The following ENTPD5 variants were observed in gnomAD, a reference collection of about 807,000 sequenced individuals.
The protein encoded by ENTPD5 is ectonucleoside triphosphate diphosphohydrolase 5 (inactive).
A neutral mutation model predicts 60.2 loss-of-function variants in ENTPD5; 49 were observed. The observed-to-expected ratio is 0.81, with a 90% CI of 0.65 to 1.03. ENTPD5 has a LOEUF of 1.03. Among genes scored for constraint, ENTPD5 ranks in the 50% least tolerant of loss-of-function variants. ENTPD5 has a pLI of 0.00. For synonymous variants in ENTPD5, 187 were observed against 185.4 expected (o/e 1.01, Z -0.07); for missense variants, 480 against 507.6 (o/e 0.95, Z 0.52).
In ENTPD5 at chr14:73,975,982, T is replaced by A. The variant is rs1276753225; in HGVS notation, c.676A>T (p.Thr226Ser). 1 of 1,613,640 alleles carries A rather than the reference T, an allele frequency of 6.2e-7. No homozygotes were observed. ...TLEQTPRGYL[T>S]SFEMFNSTYK... Reference sequence around the variant, plus strand: ...GTGCTGTTAAACATCTCAAAGGAAGTGAGGTAGCCCCTAGGAGTTTGTTCC... The same window carrying A: ...GTGCTGTTAAACATCTCAAAGGAAGAGAGGTAGCCCCTAGGAGTTTGTTCC... The change falls in exon 10 of 16, where the codon ACT (threonine) becomes TCT (serine). Residue 226 changes from threonine to serine, a missense_variant. Coordinates refer to ENST00000334696, the MANE Select transcript of ENTPD5 (RefSeq NM_001249.5).
At chr14:73,958,977 G>A, downstream of ENTPD5, 3 of 1,613,872 alleles carry the variant, frequency 1.9e-6, no homozygotes, top group African/African-American at 1.3e-5. Flanking sequence ...GCAGATAGGT[G>A]CAGATGGTCA....
intron 3 of ENTPD5, among the ~76,000 whole-genome samples, chr14:73,992,564 G>A (rs1034128968): frequency 2.6e-5 from 4 of 151,040 alleles, no homozygotes; most frequent in Admixed American, 6.6e-5. Flanking sequence ...CATGCCTGTC[G>A]CTCCAGTTAC....
At chr14:74,001,500 C>G (rs2058504646) in intron 3 of ENTPD5, among the ~76,000 whole-genome samples, 1 of 150,434 alleles carries the variant, frequency 6.6e-6, no homozygotes, top group Admixed American at 6.6e-5. Flanking sequence ...AGACTCCATC[C>G]CAAAAAAAAA....
intron 8 of ENTPD5, 128 bp downstream of exon 8, chr14:73,976,896 C>T: frequency 9.5e-6 from 8 of 840,848 alleles, no homozygotes; most frequent in Admixed American, 2.5e-5. Context: ...CATGAACTGC[C>T]ACACCCAGCC....
chr14:74,009,511 AAAGG>A (rs1451083767), intron 3 of ENTPD5, among the ~76,000 whole-genome samples: 1 of 152,256 alleles, frequency 6.6e-6, no homozygotes, highest in African/African-American at 2.4e-5. Flanking sequence ...TTTCATGTAT[AAAGG>A]AAGGAATAGG....
rs186675149 is a variant in ENTPD5, at chr14:74,017,102, T to C, written c.-237-1172A>G. 2.1e-3 allele frequency among the ~76,000 whole-genome samples: 320 copies of C among 152,324 alleles called. 2 individuals carry two copies. Among genetic ancestry groups the C allele is most frequent in the Non-Finnish European group, 2.9e-3 (195 of 68,036 alleles). ...GGTAGGCCGAGGCGGGCGGATCACCTGAGGTTGGAAGTTCGAGACTAGCCT... is the reference window on the plus strand; with the variant it reads ...GGTAGGCCGAGGCGGGCGGATCACCCGAGGTTGGAAGTTCGAGACTAGCCT... On this transcript the variant is annotated intron_variant, in intron 1 of 15. Transcript: ENST00000334696.
At chr14:73,961,726 C>G (rs762666452), downstream of ENTPD5, 2 of 1,614,118 alleles carry the variant, frequency 1.2e-6, no homozygotes, top group South Asian at 2.2e-5. Context: ...AATCTTTCCT[C>G]TGCCCTTCAG....
chr14:73,994,578 CAA>C (rs948535776), intron 3 of ENTPD5, among the ~76,000 whole-genome samples: 1 of 151,614 alleles, frequency 6.6e-6, no homozygotes, highest in Non-Finnish European at 1.5e-5. Context: ...ACTAAAAACA[CAA>C]AAATTAGCCA....
At chr14:73,977,426 G>T (rs761936745) in intron 6 of ENTPD5, 52 bp from the exon 7 acceptor site, 7 of 1,315,896 alleles carry the variant, frequency 5.3e-6, no homozygotes, top group Admixed American at 4.1e-5. Flanking sequence ...CAATAAAATA[G>T]ATTTCCATAT....
rs1260521637 is a variant in ENTPD5, at chr14:73,964,628, CT to C, written c.*2299del. 1 of 152,202 alleles carries C rather than the reference CT, an allele frequency of 6.6e-6. No individual in the cohort carries two copies. The highest frequency in any genetic ancestry group is 1.5e-5 in the Non-Finnish European group (1 of 68,032). 9.4% of individuals were successfully genotyped at this position (152,202 alleles called of 1,614,324 possible). ...AGTCTTTAGTGAACACAGCTTACCT[CT>C]TTTAAAACTGCTGGTTTCTACTGAA... On this transcript the variant is annotated 3_prime_UTR_variant, in exon 16 of 16. Coordinates refer to ENST00000334696, the MANE Select transcript of ENTPD5 (RefSeq NM_001249.5).
chr14:73,957,176 CA>C (rs1241997568), downstream of ENTPD5, among the ~76,000 whole-genome samples: 8 of 151,776 alleles, frequency 5.3e-5, no homozygotes, highest in Non-Finnish European at 8.8e-5. Flanking sequence ...CGGCTCACTG[CA>C]AGCTCGGCCT....
chr14:73,987,284 G>A (rs140299200), intron 4 of ENTPD5: 6,367 of 620,488 alleles, frequency 0.01, 75 homozygotes, highest in South Asian at 0.03. Context: ...TGGATCCCTG[G>A]AGTATCCCAT....
At chr14:73,981,323 A>T (rs2057679675) in intron 6 of ENTPD5, among the ~76,000 whole-genome samples, 2 of 151,476 alleles carry the variant, frequency 1.3e-5, no homozygotes, top group Non-Finnish European at 2.9e-5. Context: ...ACATGGTGAA[A>T]CCCTGTCTCC....
chr14:73,991,004 G>A (rs1300528219), intron 3 of ENTPD5, among the ~76,000 whole-genome samples: 1 of 152,154 alleles, frequency 6.6e-6, no homozygotes, highest in African/African-American at 2.4e-5. Context: ...ACTCCAGCCT[G>A]GGCGACAGAG....
intron 6 of ENTPD5, among the ~76,000 whole-genome samples, chr14:73,978,281 G>A (rs1013561245): frequency 4.6e-5 from 7 of 152,012 alleles, no homozygotes; most frequent in East Asian, 1.9e-4. Context: ...AAAAATGGAC[G>A]TCAAATCATG....
chr14:74,018,396 A>G (rs2059126233), intron 1 of ENTPD5: 1 of 152,228 alleles, frequency 6.6e-6, no homozygotes, highest in South Asian at 2.1e-4. Flanking sequence ...AAACTTTTTA[A>G]TTTGAAATGG....
intron 2 of ENTPD5, among the ~76,000 whole-genome samples, chr14:74,013,210 C>A (rs934521777): frequency 1.3e-5 from 2 of 152,174 alleles, no homozygotes; most frequent in African/African-American, 4.8e-5. Flanking sequence ...ACTTTAGGAA[C>A]CAATGCTAGA....
At chr14:74,004,378 G>T (rs1251848153) in intron 3 of ENTPD5, among the ~76,000 whole-genome samples, 2 of 152,068 alleles carry the variant, frequency 1.3e-5, no homozygotes, top group African/African-American at 4.8e-5. Flanking sequence ...ATATTGGCCA[G>T]GCTCAAACTC....
intron 3 of ENTPD5, among the ~76,000 whole-genome samples, chr14:74,009,522 T>C (rs1302467050): frequency 2.0e-5 from 3 of 152,200 alleles, no homozygotes; most frequent in South Asian, 4.1e-4. Flanking sequence ...AAGGAAGGAA[T>C]AGGGGTTCCC....
Sources: allele counts gnomAD v4.1 joint callset (sites outside exome capture counted in the v4.1 genomes callset), GRCh38; gene constraint gnomAD v4.1.1; transcripts MANE v1.5; gene names NCBI Gene and HGNC (gene_info 2026-07-23, HGNC 2026-07-21).